The following ACACA variants were observed in gnomAD, a reference collection of about 807,000 sequenced individuals.
The protein encoded by ACACA is acetyl-CoA carboxylase alpha.
A neutral mutation model predicts 296.1 loss-of-function variants in ACACA; 103 were observed. That is an observed-to-expected ratio of 0.35 (90% confidence interval 0.30 to 0.41). The LOEUF (loss-of-function observed/expected upper bound fraction) is 0.41. Among genes scored for constraint, ACACA ranks in the 10% least tolerant of loss-of-function variants. ACACA has a pLI of 1.00. For synonymous variants in ACACA, 953 were observed against 1,038.6 expected, an observed-to-expected ratio of 0.92 and a Z score of 1.58; for missense variants, 1,554 against 2,989.7, an observed-to-expected ratio of 0.52 and a Z score of 11.20.
At chr17:37,252,256 A>G in intron 15 of ACACA, 148 bp from the exon 16 acceptor site, 1 of 721,616 alleles carries the variant, frequency 1.4e-6, no homozygotes, top group Non-Finnish European at 2.5e-6. Context: ...TTAGATAAAA[A>G]TGAACACATT....
intron 3 of ACACA, chr17:37,299,392 C>T (rs374959428): frequency 6.4e-5 from 104 of 1,612,738 alleles, no homozygotes; most frequent in East Asian, 1.3e-4. Flanking sequence ...AAACACAAGC[C>T]GCAGTTCCTC....
chr17:37,139,650 A>G (rs1171423450), intron 45 of ACACA, among the ~76,000 whole-genome samples: 1 of 152,234 alleles, frequency 6.6e-6, no homozygotes, highest in East Asian at 1.9e-4. Flanking sequence ...AACAAGGCAG[A>G]GGAGGAGAAA....
chr17:37,381,146 CTTGT>C (rs1194477261), intron 1 of ACACA, among the ~76,000 whole-genome samples: 6 of 151,888 alleles, frequency 4.0e-5, no homozygotes, highest in South Asian at 2.1e-4. Context: ...CTTGCTTTTG[CTTGT>C]TTTTGTTTTT....
chr17:37,280,013 G>A (rs2082440773), intron 5 of ACACA, among the ~76,000 whole-genome samples: 1 of 152,046 alleles, frequency 6.6e-6, no homozygotes, highest in Non-Finnish European at 1.5e-5. Context: ...CTGTACGGCT[G>A]TCCAATTATA....
intron 28 of ACACA, 112 bp downstream of exon 28, chr17:37,223,400 T>G: frequency 1.1e-6 from 1 of 885,138 alleles, no homozygotes; most frequent in South Asian, 1.3e-5. Flanking sequence ...TAACTACCCT[T>G]AAGAACCAAC....
intron 1 of ACACA, among the ~76,000 whole-genome samples, chr17:37,371,437 G>A (rs111242244): frequency 2.0e-5 from 3 of 152,028 alleles, no homozygotes; most frequent in Non-Finnish European, 4.4e-5. Context: ...GAAAGAGACC[G>A]GAGGACCAGA....
intron 50 of ACACA, among the ~76,000 whole-genome samples, chr17:37,119,895 C>CT (rs36029062): frequency 0.33 from 44,710 of 134,326 alleles, 8,538 homozygotes; most frequent in African/African-American, 0.53. Flanking sequence ...TTCTTTCTTT[C>CT]TTTTTTTTTT....
chr17:37,167,917 T>C (rs2076746031), intron 41 of ACACA, among the ~76,000 whole-genome samples: 2 of 152,160 alleles, frequency 1.3e-5, no homozygotes, highest in Admixed American at 1.3e-4. Flanking sequence ...TCACTGTTAG[T>C]GTTCTGTACA....
chr17:37,332,180 C>G (rs2047913775), intron 2 of ACACA, among the ~76,000 whole-genome samples: 1 of 150,628 alleles, frequency 6.6e-6, no homozygotes, highest in South Asian at 2.1e-4. Flanking sequence ...AACAAACCTG[C>G]ATGTTCTGCA....
intron 1 of ACACA, among the ~76,000 whole-genome samples, chr17:37,363,761 G>T (rs1240255374): frequency 6.6e-6 from 1 of 151,776 alleles, no homozygotes; most frequent in East Asian, 2.0e-4. Context: ...CAAGGCGGGT[G>T]GATCACCCGA....
chr17:37,353,958 A>C (rs1201841976), intron 1 of ACACA, among the ~76,000 whole-genome samples: 2 of 152,090 alleles, frequency 1.3e-5, no homozygotes, highest in Non-Finnish European at 2.9e-5. Context: ...AAATTAAAAA[A>C]TTAGCTAGGC....
At chr17:37,380,273 T>G (rs1462739058) in intron 1 of ACACA, among the ~76,000 whole-genome samples, 4 of 90,940 alleles carry the variant, frequency 4.4e-5, no homozygotes, top group South Asian at 4.1e-4. Context: ...TGGGGACTGT[T>G]GTGGGGTGGG....
intron 16 of ACACA, among the ~76,000 whole-genome samples, chr17:37,250,807 C>G (rs2080952003): frequency 6.6e-6 from 1 of 152,116 alleles, no homozygotes; most frequent in Non-Finnish European, 1.5e-5. Flanking sequence ...GGGTGGATCA[C>G]AAGGTCAGGA....
intron 47 of ACACA, among the ~76,000 whole-genome samples, chr17:37,126,319 A>AACAAGATATCT (rs1335225412): frequency 1.3e-5 from 2 of 152,230 alleles, no homozygotes; most frequent in African/African-American, 2.4e-5. Flanking sequence ...CTACAAAAGC[A>AACAAGATATCT]ACAAGATATA....
At chr17:37,331,901 A>T (rs1417150434) in intron 2 of ACACA, among the ~76,000 whole-genome samples, 1 of 136,524 alleles carries the variant, frequency 7.3e-6, no homozygotes, top group Non-Finnish European at 1.6e-5. Flanking sequence ...ATTTTTAATT[A>T]AAAAAAAAAA....
intron 45 of ACACA, among the ~76,000 whole-genome samples, chr17:37,148,278 C>T (rs1289425566): frequency 6.6e-6 from 1 of 151,532 alleles, no homozygotes; most frequent in Admixed American, 6.6e-5. Flanking sequence ...GTTTCTCCCA[C>T]TGCAATAATA....
chr17:37,096,893 T>C (rs561989449), intron 54 of ACACA, 103 bp downstream of exon 54: 1 of 1,372,834 alleles, frequency 7.3e-7, no homozygotes, highest in East Asian at 2.3e-5. Flanking sequence ...TCCCTTCTAC[T>C]CCTGCCCTTA....
At chr17:37,386,015 T>C in intron 1 of ACACA, 1 of 1,582,680 alleles carries the variant, frequency 6.3e-7, no homozygotes, top group Non-Finnish European at 8.6e-7. Flanking sequence ...ATAGCTTTTT[T>C]ACCAGGGATC....
chr17:37,354,423 A>G (rs1164381578), intron 1 of ACACA, among the ~76,000 whole-genome samples: 1 of 152,172 alleles, frequency 6.6e-6, no homozygotes, highest in Non-Finnish European at 1.5e-5. Context: ...AAAGTAACAA[A>G]TTAGTAAGAG....
Sources: allele counts gnomAD v4.1 joint callset (sites outside exome capture counted in the v4.1 genomes callset), GRCh38; gene constraint gnomAD v4.1.1; transcripts MANE v1.5; gene names NCBI Gene and HGNC (gene_info 2026-07-23, HGNC 2026-07-21).